Variants in GK5 observed in about 807,000 individuals in gnomAD.
GK5 encodes glycerol kinase 5.
GK5 carries 39 observed loss-of-function variants against 77.3 expected under a neutral mutation model. That is an observed-to-expected ratio of 0.50 (90% confidence interval 0.39 to 0.66). GK5 has a LOEUF of 0.66. GK5 is among the 30% of genes least tolerant of loss of function. GK5 has a pLI of 0.00. For missense variants in GK5, 487 were observed against 633.8 expected (o/e 0.77, Z 2.49); for synonymous variants, 211 against 208.0 (o/e 1.01, Z -0.13).
rs142987320 is a variant in GK5 at position 142,186,863 on chromosome 3, T to C, written c.620-350A>G. On this transcript the variant is annotated intron_variant, in intron 6 of 15. Coordinates refer to ENST00000392993, the MANE Select transcript of GK5 (RefSeq NM_001039547.3). Reference sequence around the variant, plus strand: ...TCAGGCTGGTCTCGAACTCCCAACCTCAAGTGATCCGCCCGCCTCAGCCTC... The same window carrying C: ...TCAGGCTGGTCTCGAACTCCCAACCCCAAGTGATCCGCCCGCCTCAGCCTC... 6.7e-3 allele frequency among the ~76,000 whole-genome samples: 1,014 copies of C among 152,114 alleles called. 9 individuals are homozygous for C. The highest frequency in any genetic ancestry group is 0.023 in the African/African-American group (943 of 41,506).
chr3:142,210,979 T>C (rs560485753), intron 3 of GK5, among the ~76,000 whole-genome samples: 133 of 152,392 alleles, frequency 8.7e-4, no homozygotes, highest in African/African-American at 2.7e-3. Context: ...CCTGCTTTGC[T>C]GGCTTTTTCT....
intron 1 of GK5, among the ~76,000 whole-genome samples, chr3:142,217,388 A>C (rs2064288059): frequency 6.6e-6 from 1 of 152,212 alleles, no homozygotes; most frequent in South Asian, 2.1e-4. Flanking sequence ...ATCAAAATTT[A>C]AAACTTACTG....
At chr3:142,207,987 C>T (rs1024357634) in intron 3 of GK5, among the ~76,000 whole-genome samples, 5 of 152,102 alleles carry the variant, frequency 3.3e-5, no homozygotes, top group South Asian at 2.1e-4. Context: ...GGAGTGATTT[C>T]CTATTGTTTT....
chr3:142,206,706 T>C (rs139182047), intron 3 of GK5, among the ~76,000 whole-genome samples: 45 of 152,342 alleles, frequency 3.0e-4, no homozygotes, highest in African/African-American at 9.1e-4. Flanking sequence ...TTTGCAAATA[T>C]TTTCTCCCAT....
intron 9 of GK5, chr3:142,184,948 A>G (rs544378021): frequency 1.0e-6 from 1 of 985,476 alleles, no homozygotes; most frequent in Non-Finnish European, 1.2e-6. Context: ...CCTAGATTGA[A>G]TAAGACCGAT....
At chr3:142,203,601 C>T (rs1372099572) in intron 4 of GK5, among the ~76,000 whole-genome samples, 2 of 152,056 alleles carry the variant, frequency 1.3e-5, no homozygotes, top group African/African-American at 4.8e-5. Flanking sequence ...GGTGAAACCC[C>T]GTCTCTGTTA....
rs765070557 is a variant in GK5 at position 142,225,478 on chromosome 3, C to A, written c.-23G>T. 6.3e-7 allele frequency: 1 copy of A among 1,596,326 alleles called. No homozygotes were observed. Among genetic ancestry groups the A allele is most frequent in the Non-Finnish European group, 8.5e-7 (1 of 1,176,966 alleles). On this transcript the variant is annotated 5_prime_UTR_variant, in exon 1 of 16. Transcript: ENST00000392993. ...CATCCCGATCCCGCACGCCTCTCCG[C>A]TACAGCCGCCTACCCAGAGGGCGCG...
At chr3:142,189,522 C>G (rs1226724016) in intron 5 of GK5, among the ~76,000 whole-genome samples, 1 of 152,078 alleles carries the variant, frequency 6.6e-6, no homozygotes, top group African/African-American at 2.4e-5. Context: ...AAAAGTTAAC[C>G]TGTATTTCAG....
chr3:142,165,401 G>A lies in GK5; in HGVS notation c.*221C>T. The A allele has an allele frequency of 2.5e-6, 1 of 392,558 alleles. No individual in the cohort carries two copies. The highest frequency in any genetic ancestry group is 2.1e-5 in the African/African-American group (1 of 48,126). 24.3% of individuals were successfully genotyped at this position (392,558 alleles called of 1,614,324 possible). ...CTTTGGAATTTGCTACAAAATAGAA[G>A]ATATAAAGTTTTGAGGTATTGCTGC... On this transcript the variant is annotated 3_prime_UTR_variant, in exon 16 of 16. Transcript: ENST00000392993.
chr3:142,188,058 GT>G (rs546175019), intron 5 of GK5, among the ~76,000 whole-genome samples: 79 of 148,418 alleles, frequency 5.3e-4, no homozygotes, highest in African/African-American at 1.0e-3. Flanking sequence ...GTTTTTTGTT[GT>G]TTTTTTTTTA....
At chr3:142,201,662 A>G (rs1200168899) in intron 4 of GK5, among the ~76,000 whole-genome samples, 2 of 152,178 alleles carry the variant, frequency 1.3e-5, no homozygotes, top group Non-Finnish European at 2.9e-5. Flanking sequence ...ACAAACACAG[A>G]CAAATATAAA....
rs554899894 is a variant in GK5 at position 142,195,927 on chromosome 3, G to C, written c.543+2875C>G. Reference sequence around the variant, plus strand: ...TGTGTTAATTCTTCTTTAAACTTTTGGTAGAATTCACTAGTAAAGCCATCT... The same window carrying C: ...TGTGTTAATTCTTCTTTAAACTTTTCGTAGAATTCACTAGTAAAGCCATCT... On this transcript the variant is annotated intron_variant, in intron 5 of 15. Coordinates refer to ENST00000392993, the MANE Select transcript of GK5 (RefSeq NM_001039547.3). Among the ~76,000 whole-genome samples, 4 of 152,190 alleles carry C rather than the reference G, an allele frequency of 2.6e-5. No individual in the cohort carries two copies. In the South Asian group the frequency reaches 6.2e-4, roughly 24 times the overall value.
chr3:142,173,368 G>GT (rs1351904590), intron 12 of GK5, among the ~76,000 whole-genome samples: 1 of 151,772 alleles, frequency 6.6e-6, no homozygotes, highest in African/African-American at 2.4e-5. Context: ...CTCCAGAAAT[G>GT]TAAGGCAATT....
intron 11 of GK5, among the ~76,000 whole-genome samples, chr3:142,180,976 T>G (rs1478676972): frequency 6.6e-6 from 1 of 152,124 alleles, no homozygotes; most frequent in East Asian, 1.9e-4. Context: ...GTGGCACAAA[T>G]GAGGGGCGGA....
chr3:142,219,974 C>G lies in GK5; in HGVS notation c.148-4282G>C, dbSNP rs974844752. Among the ~76,000 whole-genome samples, 15 of 152,302 alleles carry G rather than the reference C, an allele frequency of 9.8e-5. No individual in the cohort carries two copies. The East Asian group carries it at 1.7e-3, about 18-fold the overall frequency. On this transcript the variant is annotated intron_variant, in intron 1 of 15. Transcript: ENST00000392993. ...ACAGAGGGAGACTGTCTCAATCAATCAATCAATAAACAAATTTCATAAAAA... is the reference window on the plus strand; with the variant it reads ...ACAGAGGGAGACTGTCTCAATCAATGAATCAATAAACAAATTTCATAAAAA...
At chr3:142,204,649 G>GAA (rs200595097) in intron 4 of GK5, 46 bp downstream of exon 4, 168 of 880,606 alleles carry the variant, frequency 1.9e-4, no homozygotes, top group African/African-American at 1.4e-3. Context: ...GACATTTACA[G>GAA]AAAAAAAAAA....
chr3:142,217,925 G>T (rs1436069349), intron 1 of GK5, among the ~76,000 whole-genome samples: 1 of 151,850 alleles, frequency 6.6e-6, no homozygotes, highest in African/African-American at 2.4e-5. Flanking sequence ...TAAAATTTAT[G>T]CAAGGCAAAA....
intron 2 of GK5, among the ~76,000 whole-genome samples, chr3:142,214,420 A>G (rs1325319551): frequency 6.6e-6 from 1 of 152,202 alleles, no homozygotes; most frequent in African/African-American, 2.4e-5. Context: ...CAACTCGAGT[A>G]TTTTTTGTGA....
At chr3:142,183,291 G>T in intron 9 of GK5, 1 of 314,550 alleles carries the variant, frequency 3.2e-6, no homozygotes, top group East Asian at 5.7e-5. Context: ...ATTTTGGTTT[G>T]TTGTTGTTTT....
Sources: allele counts gnomAD v4.1 joint callset (sites outside exome capture counted in the v4.1 genomes callset), GRCh38; gene constraint gnomAD v4.1.1; transcripts MANE v1.5; gene names NCBI Gene and HGNC (gene_info 2026-07-23, HGNC 2026-07-21).